SYT1: variants seen among roughly 807,000 people sequenced by gnomAD.
SYT1 encodes synaptotagmin 1, also known as synaptotagmin-1.
A neutral mutation model predicts 44.8 loss-of-function variants in SYT1; 8 were observed. The ratio of observed to expected loss-of-function variants is 0.18; its 90% CI spans 0.10 to 0.32. The LOEUF is 0.32. Ranked by LOEUF, SYT1 falls within the 10% of genes least tolerant of loss-of-function variation. The pLI is 1.00. For missense variants in SYT1, 286 were observed against 509.3 expected (o/e 0.56, Z 4.22); for synonymous variants, 154 against 188.8 (o/e 0.82, Z 1.51).
At chr12:78,948,927 T>C (rs1592595437) in intron 1 of SYT1, among the ~76,000 whole-genome samples, 2 of 149,610 alleles carry the variant, frequency 1.3e-5, no homozygotes, top group Admixed American at 1.3e-4. Context: ...AAAATCTCTT[T>C]CTTTTTCTGT....
chr12:79,060,886 A>G (rs1213225651), intron 3 of SYT1, among the ~76,000 whole-genome samples: 2 of 151,916 alleles, frequency 1.3e-5, no homozygotes, highest in South Asian at 2.1e-4. Flanking sequence ...TTAGGCAATC[A>G]GCAAAAAAAA....
intron 3 of SYT1, among the ~76,000 whole-genome samples, chr12:79,052,873 A>T (rs549692452): frequency 7.2e-5 from 11 of 152,236 alleles, no homozygotes; most frequent in Admixed American, 7.2e-4. Context: ...GCTGGAGAGG[A>T]TGTGGAGAAA....
At chr12:79,052,644 T>A (rs991400696) in intron 3 of SYT1, among the ~76,000 whole-genome samples, 6 of 148,088 alleles carry the variant, frequency 4.1e-5, no homozygotes, top group African/African-American at 1.5e-4. Flanking sequence ...TACAATGAAC[T>A]CAAACAAATT....
rs1875819828 is a variant in SYT1 at position 79,065,992 on chromosome 12, T to C, written c.-18+18630T>C. On this transcript the variant is annotated intron_variant, in intron 3 of 10. Coordinates refer to ENST00000261205, the MANE Select transcript of SYT1 (RefSeq NM_005639.3). ...TTATTCACAAGATGGGAAAAAGATA[T>C]AAATGAATTGAATTATGAGTCAGAC... Among the ~76,000 whole-genome samples the C allele has an allele frequency of 2.6e-5, 4 of 152,002 alleles. No homozygotes were observed. In the South Asian group the frequency reaches 6.2e-4, roughly 24 times the overall value.
chr12:79,139,731 T>C (rs1181587599), intron 3 of SYT1, among the ~76,000 whole-genome samples: 2 of 152,208 alleles, frequency 1.3e-5, no homozygotes, highest in Non-Finnish European at 2.9e-5. Flanking sequence ...TTTTGATTTG[T>C]TCTCTCCTGA....
chr12:79,265,991 C>T (rs1024628898), intron 4 of SYT1, among the ~76,000 whole-genome samples: 3 of 152,114 alleles, frequency 2.0e-5, no homozygotes, highest in Non-Finnish European at 2.9e-5. Context: ...CACGTGCATA[C>T]GTTTTCTAAA....
chr12:79,356,861 C>T (rs1883133647), intron 9 of SYT1, among the ~76,000 whole-genome samples: 1 of 152,120 alleles, frequency 6.6e-6, no homozygotes, highest in African/African-American at 2.4e-5. Context: ...CTATTGTAGT[C>T]ATTTCTATTA....
intron 2 of SYT1, among the ~76,000 whole-genome samples, chr12:79,028,259 T>G (rs1434131562): frequency 6.6e-6 from 1 of 151,440 alleles, no homozygotes; most frequent in Non-Finnish European, 1.5e-5. Flanking sequence ...TTATCAGATA[T>G]TTCTTCACTT....
intron 8 of SYT1, among the ~76,000 whole-genome samples, chr12:79,322,838 C>T (rs1208265183): frequency 6.6e-6 from 1 of 152,120 alleles, no homozygotes; most frequent in East Asian, 1.9e-4. Flanking sequence ...AAAAGAAAGA[C>T]ATTCAAATGT....
chr12:79,424,838 T>G (rs1201710319), intron 9 of SYT1, among the ~76,000 whole-genome samples: 1 of 152,058 alleles, frequency 6.6e-6, no homozygotes, highest in East Asian at 1.9e-4. Flanking sequence ...TGTTTTGTTT[T>G]TTTTTTAAGT....
intron 3 of SYT1, among the ~76,000 whole-genome samples, chr12:79,205,848 A>T (rs2138514743): frequency 6.6e-6 from 1 of 152,300 alleles, no homozygotes; most frequent in East Asian, 1.9e-4. Flanking sequence ...ATTGTAATTG[A>T]TCTTCTGAGA....
At chr12:79,008,574 T>C (rs1297753175) in intron 2 of SYT1, among the ~76,000 whole-genome samples, 1 of 152,118 alleles carries the variant, frequency 6.6e-6, no homozygotes, top group Non-Finnish European at 1.5e-5. Context: ...ACTATAATAG[T>C]GGCTGTGAGA....
intron 2 of SYT1, among the ~76,000 whole-genome samples, chr12:79,029,476 G>A (rs892795140): frequency 5.3e-5 from 8 of 150,976 alleles, no homozygotes; most frequent in African/African-American, 9.7e-5. Context: ...AAAATAAAAC[G>A]TGAAGCCAAA....
intron 8 of SYT1, among the ~76,000 whole-genome samples, chr12:79,305,744 A>G (rs1444672489): frequency 6.6e-6 from 1 of 152,150 alleles, no homozygotes; most frequent in Non-Finnish European, 1.5e-5. Context: ...CGCCCAGGCT[A>G]GAGTGCAGTG....
At chr12:79,027,881 G>A (rs909026851) in intron 2 of SYT1, among the ~76,000 whole-genome samples, 5 of 151,306 alleles carry the variant, frequency 3.3e-5, no homozygotes, top group Admixed American at 6.6e-5. Context: ...ATCAACCACC[G>A]GCCAAATTTT....
intron 1 of SYT1, among the ~76,000 whole-genome samples, chr12:78,892,558 G>A (rs1381881): frequency 6.6e-6 from 1 of 151,394 alleles, no homozygotes; most frequent in Non-Finnish European, 1.5e-5. Context: ...GAGCCGCCCC[G>A]ATCAAATTTT....
chr12:79,421,108 A>C (rs1252225964), intron 9 of SYT1, among the ~76,000 whole-genome samples: 1 of 152,140 alleles, frequency 6.6e-6, no homozygotes, highest in Non-Finnish European at 1.5e-5. Flanking sequence ...ACCTAAAAAC[A>C]CCACTCTGCT....
intron 1 of SYT1, among the ~76,000 whole-genome samples, chr12:78,877,951 A>G (rs1308228585): frequency 6.6e-6 from 1 of 151,778 alleles, no homozygotes; most frequent in Non-Finnish European, 1.5e-5. Context: ...TCTTCTTGCT[A>G]TATTCACATA....
intron 1 of SYT1, among the ~76,000 whole-genome samples, chr12:78,900,101 G>T (rs1875580403): frequency 6.6e-6 from 1 of 152,046 alleles, no homozygotes; most frequent in Admixed American, 6.6e-5. Context: ...TATTAAATGT[G>T]TAAGTGGTGA....
Sources: allele counts gnomAD v4.1 joint callset (sites outside exome capture counted in the v4.1 genomes callset), GRCh38; gene constraint gnomAD v4.1.1; transcripts MANE v1.5; gene names NCBI Gene and HGNC (gene_info 2026-07-23, HGNC 2026-07-21).